Variants in PDE4D observed in about 807,000 individuals in gnomAD.
PDE4D encodes the protein phosphodiesterase 4D, also known as 3',5'-cyclic-AMP phosphodiesterase 4D.
A neutral mutation model predicts 87.4 loss-of-function variants in PDE4D; 24 were observed. The observed-to-expected ratio is 0.27, with a 90% CI of 0.20 to 0.39. PDE4D has a LOEUF of 0.39. PDE4D is among the 10% of genes least tolerant of loss of function. The probability of loss-of-function intolerance (pLI) is 1.00; values close to 1 mark genes in which losing one functional copy is unlikely to be tolerated. For missense variants in PDE4D, 714 were observed against 1,041.0 expected (o/e 0.69, Z 4.32); for synonymous variants, 384 against 383.2 (o/e 1.00, Z -0.02).
chr5:59,205,335 A>G (rs940072888), intron 2 of PDE4D, among the ~76,000 whole-genome samples: 1 of 152,082 alleles, frequency 6.6e-6, no homozygotes, highest in Non-Finnish European at 1.5e-5. Context: ...TTCCTTGTTA[A>G]TGTTCTTTAC....
At chr5:59,787,138 G>C (rs368128890) in intron 1 of PDE4D, among the ~76,000 whole-genome samples, 1 of 152,176 alleles carries the variant, frequency 6.6e-6, no homozygotes, top group African/African-American at 2.4e-5. Context: ...TTTCTAAAAC[G>C]TGTCATTCCT....
chr5:60,494,720 A>G (rs994483093), intron 1 of PDE4D, among the ~76,000 whole-genome samples: 1 of 152,214 alleles, frequency 6.6e-6, no homozygotes, highest in Admixed American at 6.5e-5. Flanking sequence ...TGGTCCTGCT[A>G]TCTTCCAAGT....
chr5:59,986,861 T>G (rs1163552796), intron 3 of PDE4D: 1 of 152,220 alleles, frequency 6.6e-6, no homozygotes, highest in Non-Finnish European at 1.5e-5. Context: ...CTCTAGGTAC[T>G]GAGTCTTTAA....
At chr5:59,153,283 C>T (rs759631757) in intron 5 of PDE4D, among the ~76,000 whole-genome samples, 30 of 152,180 alleles carry the variant, frequency 2.0e-4, no homozygotes, top group Admixed American at 1.0e-3. Flanking sequence ...TTCTTAAATG[C>T]TACTCGGACA....
At chr5:60,431,400 G>A (rs949860553) in intron 1 of PDE4D, among the ~76,000 whole-genome samples, 9 of 151,686 alleles carry the variant, frequency 5.9e-5, no homozygotes, top group South Asian at 2.1e-4. Flanking sequence ...AGACGGGTTC[G>A]CGGCCGGGTA....
chr5:59,748,993 T>G (rs1266739503), intron 1 of PDE4D, among the ~76,000 whole-genome samples: 1 of 152,184 alleles, frequency 6.6e-6, no homozygotes, highest in Non-Finnish European at 1.5e-5. Flanking sequence ...GTGCAATTTC[T>G]TCTAGGAACT....
intron 2 of PDE4D, among the ~76,000 whole-genome samples, chr5:60,118,806 T>C (rs1778404383): frequency 6.6e-6 from 1 of 152,084 alleles, no homozygotes; most frequent in Non-Finnish European, 1.5e-5. Flanking sequence ...TGCAGCTCAC[T>C]GCCTTTTAAA....
At chr5:59,568,954 T>C (rs1001215089) in intron 1 of PDE4D, among the ~76,000 whole-genome samples, 1 of 152,142 alleles carries the variant, frequency 6.6e-6, no homozygotes, top group African/African-American at 2.4e-5. Context: ...CATACTCATA[T>C]AAGACTTTAA....
chr5:59,015,212 G>C (rs1303902267), intron 6 of PDE4D, among the ~76,000 whole-genome samples: 1 of 152,100 alleles, frequency 6.6e-6, no homozygotes, highest in Non-Finnish European at 1.5e-5. Flanking sequence ...CATAGGCATG[G>C]GCAAGGACTT....
At chr5:59,740,941 A>G (rs781724378) in intron 1 of PDE4D, among the ~76,000 whole-genome samples, 4 of 152,200 alleles carry the variant, frequency 2.6e-5, no homozygotes, top group Non-Finnish European at 5.9e-5. Flanking sequence ...CACCTAGTGT[A>G]AGTCAAAGTC....
At chr5:59,785,398 G>A (rs557546876) in intron 1 of PDE4D, among the ~76,000 whole-genome samples, 2 of 152,240 alleles carry the variant, frequency 1.3e-5, no homozygotes, top group Non-Finnish European at 2.9e-5. Flanking sequence ...CATTCATACA[G>A]CTAACGTTTA....
chr5:60,503,529 A>T (rs1253884641), intron 1 of PDE4D, among the ~76,000 whole-genome samples: 1 of 151,936 alleles, frequency 6.6e-6, no homozygotes, highest in Non-Finnish European at 1.5e-5. Flanking sequence ...TCCTCCCTTT[A>T]TCCCTCTGTC....
chr5:59,633,768 C>T (rs1831872628), intron 1 of PDE4D, among the ~76,000 whole-genome samples: 2 of 152,174 alleles, frequency 1.3e-5, no homozygotes, highest in Admixed American at 1.3e-4. Context: ...AAACTGATAC[C>T]AGCCACTGCA....
intron 1 of PDE4D, among the ~76,000 whole-genome samples, chr5:59,429,863 T>C (rs139417230): frequency 1.2e-3 from 184 of 152,272 alleles, no homozygotes; most frequent in African/African-American, 4.0e-3. Context: ...GGAAAACAAA[T>C]GTTTTTGTAG....
intron 1 of PDE4D, among the ~76,000 whole-genome samples, chr5:59,439,021 C>T (rs1490636671): frequency 1.3e-5 from 2 of 152,114 alleles, no homozygotes; most frequent in Non-Finnish European, 2.9e-5. Flanking sequence ...TGAGTTTATT[C>T]AGCATAATTT....
intron 1 of PDE4D, among the ~76,000 whole-genome samples, chr5:60,451,671 G>C (rs1467119601): frequency 6.6e-6 from 1 of 152,096 alleles, no homozygotes; most frequent in Admixed American, 6.6e-5. Flanking sequence ...ACTTGCAGAA[G>C]TTTGAATGGA....
At chr5:60,366,901 CT>C (rs1241573776) in intron 1 of PDE4D, among the ~76,000 whole-genome samples, 1 of 152,152 alleles carries the variant, frequency 6.6e-6, no homozygotes, top group Non-Finnish European at 1.5e-5. Flanking sequence ...TTATCAGTTA[CT>C]TGTTTTTTAA....
intron 1 of PDE4D, among the ~76,000 whole-genome samples, chr5:60,220,294 A>G (rs1744351086): frequency 6.6e-6 from 1 of 152,168 alleles, no homozygotes; most frequent in Admixed American, 6.5e-5. Flanking sequence ...AGCATTTGCT[A>G]ATTTGCCCAG....
chr5:59,975,803 C>A (rs1761262225), intron 3 of PDE4D, among the ~76,000 whole-genome samples: 1 of 152,202 alleles, frequency 6.6e-6, no homozygotes, highest in Admixed American at 6.5e-5. Context: ...AGACACTCTA[C>A]TTTAATCTCA....
Sources: allele counts gnomAD v4.1 joint callset (sites outside exome capture counted in the v4.1 genomes callset), GRCh38; gene constraint gnomAD v4.1.1; transcripts MANE v1.5; gene names NCBI Gene and HGNC (gene_info 2026-07-23, HGNC 2026-07-21).